TNNI3K: variants seen among roughly 807,000 people sequenced by gnomAD.
The protein encoded by TNNI3K is TNNI3 interacting kinase, also known as serine/threonine-protein kinase TNNI3K.
Under a neutral mutation model 114.5 loss-of-function variants are expected in TNNI3K, and 140 were observed. The observed-to-expected ratio is 1.22, with a 90% CI of 1.07 to 1.41. The LOEUF is 1.41. Among genes scored for constraint, TNNI3K ranks in the 40% most tolerant of loss-of-function variants. The pLI, the probability that TNNI3K is intolerant of heterozygous loss-of-function variation, is 0.00. For missense variants in TNNI3K, 1,125 were observed against 1,007.6 expected (o/e 1.12, Z -1.58); for synonymous variants, 347 against 347.5 (o/e 1.00, Z 0.02).
rs936728328 is a variant in TNNI3K, at chr1:74,447,295, T to G, written c.2011+7673T>G. On this transcript the variant is annotated intron_variant, in intron 20 of 24. Transcript: ENST00000326637. ...TGGATTCCTAGGTATTTTATTCTCT[T>G]TGAAGCAATTGTGAATGGGAGTTCA... Among the ~76,000 whole-genome samples the G allele has an allele frequency of 4.7e-5, 7 of 149,828 alleles. 1 individual carries two copies. The highest frequency in any genetic ancestry group is 1.8e-4 in the African/African-American group (7 of 39,620).
At chr1:74,519,720 A>G (rs1347275013) in intron 23 of TNNI3K, among the ~76,000 whole-genome samples, 1 of 152,230 alleles carries the variant, frequency 6.6e-6, no homozygotes, top group Non-Finnish European at 1.5e-5. Flanking sequence ...AGAAAATTAC[A>G]TTTTATACAT....
intron 20 of TNNI3K, among the ~76,000 whole-genome samples, chr1:74,444,979 A>T (rs888078410): frequency 6.6e-6 from 1 of 152,190 alleles, no homozygotes; most frequent in Non-Finnish European, 1.5e-5. Flanking sequence ...CTGGCTAGCC[A>T]TATGCAGAAA....
At chr1:74,425,317 T>G (rs764805441) in intron 17 of TNNI3K, among the ~76,000 whole-genome samples, 24 of 152,090 alleles carry the variant, frequency 1.6e-4, no homozygotes, top group Non-Finnish European at 2.8e-4. Flanking sequence ...AAATATTTAT[T>G]GAGTAAATGT....
intron 5 of TNNI3K, among the ~76,000 whole-genome samples, chr1:74,309,381 A>AAAAAAAAAAAAAG (rs1553129785): frequency 6.9e-5 from 10 of 143,960 alleles, no homozygotes; most frequent in African/African-American, 2.7e-4. Context: ...AAAAAAAAAA[A>AAAAAAAAAAAAAG]GAAGAGATAA....
intron 23 of TNNI3K, among the ~76,000 whole-genome samples, chr1:74,513,608 G>A (rs1646301463): frequency 6.6e-6 from 1 of 152,192 alleles, no homozygotes; most frequent in Non-Finnish European, 1.5e-5. Context: ...GCGCTACTAT[G>A]TGGGAGTGTT....
At chr1:74,378,594 T>TA (rs1663025680) in intron 17 of TNNI3K, 2 of 77,904 alleles carry the variant, frequency 2.6e-5, no homozygotes, top group African/African-American at 4.4e-5. Flanking sequence ...CAGTTTAATT[T>TA]TATATATATA....
chr1:74,338,776 G>A (rs963767728), intron 7 of TNNI3K, among the ~76,000 whole-genome samples: 8 of 152,092 alleles, frequency 5.3e-5, no homozygotes, highest in Non-Finnish European at 1.2e-4. Flanking sequence ...ACTTTATTTC[G>A]TAAAATGTAA....
rs377266815 is a variant in TNNI3K, at chr1:74,458,245, C to CTCAG, written c.2012-5195_2012-5192dup. On this transcript the variant is annotated intron_variant, in intron 20 of 24. Transcript: ENST00000326637. ...TAAGAGGGCAGTCAAGACTTAAATA[C>CTCAG]TCAGGTTCTCTGTCTTCAAAGCCCA... Among the ~76,000 whole-genome samples, 1,193 of 152,298 alleles carry CTCAG rather than the reference C, an allele frequency of 7.8e-3. 18 individuals are homozygous for CTCAG. The highest frequency in any genetic ancestry group is 0.027 in the African/African-American group (1,133 of 41,564).
intron 21 of TNNI3K, chr1:74,483,268 T>C (rs1451777576): frequency 2.8e-6 from 2 of 717,350 alleles, no homozygotes; most frequent in Admixed American, 2.0e-5. Flanking sequence ...TTACCTACTA[T>C]ATAGGTTAGC....
At chr1:74,383,044 G>A (rs532407960) in intron 17 of TNNI3K, among the ~76,000 whole-genome samples, 1 of 151,964 alleles carries the variant, frequency 6.6e-6, no homozygotes, top group African/African-American at 2.4e-5. Context: ...ATTGATTACA[G>A]GCTTCGAATT....
chr1:74,493,018 A>T (rs913999569), intron 23 of TNNI3K, among the ~76,000 whole-genome samples: 32 of 152,088 alleles, frequency 2.1e-4, no homozygotes, highest in African/African-American at 7.7e-4. Context: ...CACCAACTCT[A>T]CTGGATCAGG....
chr1:74,484,862 T>C (rs909893094), intron 21 of TNNI3K, among the ~76,000 whole-genome samples: 4 of 152,232 alleles, frequency 2.6e-5, no homozygotes, highest in African/African-American at 9.6e-5. Context: ...AAGATCATTT[T>C]AACTACTGAG....
intron 2 of TNNI3K, among the ~76,000 whole-genome samples, chr1:74,242,423 AT>A (rs1654295009): frequency 6.6e-6 from 1 of 152,074 alleles, no homozygotes; most frequent in African/African-American, 2.4e-5. Flanking sequence ...CACTATACTC[AT>A]CCTTAAAACA....
Position 74,354,013 on chromosome 1 carries a change from G to T in TNNI3K, c.1061G>T (p.Arg354Leu), listed in dbSNP as rs201470572. The change falls in exon 11 of 25, where the codon CGC becomes CTC. Residue 354 changes from arginine to leucine, a missense_variant. Arg to Leu is a moderately radical substitution (Grantham distance 102, BLOSUM62 -2). Coordinates refer to ENST00000326637, the MANE Select transcript of TNNI3K (RefSeq NM_015978.3). ...TCTGCTTGCTACCACGGTCACATTC[G>T]CCTGGTTCAGTTCTTACTGGATAAT... is the stretch of plus-strand genomic sequence containing the variant. The part of the protein sequence containing the change: ...LHSACYHGHI[R>L]LVQFLLDNGA... The T allele has an allele frequency of 1.9e-6, 3 of 1,613,702 alleles. No homozygotes were observed. Among genetic ancestry groups the T allele is most frequent in the Non-Finnish European group, 2.5e-6 (3 of 1,179,888 alleles).
At chr1:74,317,986 T>G (rs1401146916) in intron 5 of TNNI3K, among the ~76,000 whole-genome samples, 2 of 152,230 alleles carry the variant, frequency 1.3e-5, no homozygotes, top group African/African-American at 4.8e-5. Flanking sequence ...CCTCGCTTTC[T>G]CCAGACTCTC....
chr1:74,297,450 A>G (rs1248304049), intron 5 of TNNI3K, among the ~76,000 whole-genome samples: 1 of 151,842 alleles, frequency 6.6e-6, no homozygotes, highest in Non-Finnish European at 1.5e-5. Flanking sequence ...TCTCTTGGCC[A>G]TGTGAGGAAA....
intron 21 of TNNI3K, chr1:74,464,689 A>T: frequency 6.3e-7 from 1 of 1,596,694 alleles, no homozygotes; most frequent in East Asian, 2.2e-5. Context: ...AGAAACTCTT[A>T]AGAAGAAAAA....
intron 5 of TNNI3K, among the ~76,000 whole-genome samples, chr1:74,276,973 T>C (rs1656721372): frequency 6.6e-6 from 1 of 152,158 alleles, no homozygotes; most frequent in Non-Finnish European, 1.5e-5. Flanking sequence ...TCTCTTTGAC[T>C]GATACATCCA....
At chr1:74,369,897 T>A (rs950158425) in intron 16 of TNNI3K, 9 of 273,900 alleles carry the variant, frequency 3.3e-5, no homozygotes, top group African/African-American at 1.8e-4. Flanking sequence ...AAGCTCAGAA[T>A]AAAATAAACT....
Sources: allele counts gnomAD v4.1 joint callset (sites outside exome capture counted in the v4.1 genomes callset), GRCh38; gene constraint gnomAD v4.1.1; transcripts MANE v1.5; gene names NCBI Gene and HGNC (gene_info 2026-07-23, HGNC 2026-07-21).